ZNF445: variants seen among roughly 807,000 people sequenced by gnomAD.
The protein encoded by ZNF445 is zinc finger protein 445.
ZNF445 carries 19 observed loss-of-function variants against 93.9 expected under a neutral mutation model. That is an observed-to-expected ratio of 0.20 (90% CI 0.14 to 0.30). The LOEUF is 0.30. Among genes scored for constraint, ZNF445 ranks in the 10% least tolerant of loss-of-function variants. The pLI is 1.00. For synonymous variants in ZNF445, 449 were observed against 446.3 expected (o/e 1.01, Z -0.08); for missense variants, 1,058 against 1,259.4 (o/e 0.84, Z 2.42).
intron 1 of ZNF445, among the ~76,000 whole-genome samples, chr3:44,464,128 AAAAC>A (rs549579621): frequency 2.6e-4 from 39 of 152,098 alleles, no homozygotes; most frequent in East Asian, 5.8e-4. Context: ...TCCATCTCAA[AAAAC>A]AAACAAACAA....
In ZNF445 at chr3:44,433,534, T is replaced by C. The variant is rs1456285950; in HGVS notation, c.*13041A>G. ...AGCCATTCTAAGAACCCATGTTCTA[T>C]TTCCAGAACCCACGTCAGGCCATTA... On this transcript the variant is annotated 3_prime_UTR_variant, in exon 8 of 8. Transcript: ENST00000396077. 1 of 152,240 alleles carries C rather than the reference T, an allele frequency of 6.6e-6. No homozygotes were observed. Among genetic ancestry groups the C allele is most frequent in the East Asian group, 1.9e-4 (1 of 5,194 alleles). 9.4% of individuals were successfully genotyped at this position (152,240 alleles called of 1,614,324 possible). A position where few individuals can be genotyped will look rare whatever the true frequency, so the allele number is the denominator to read the frequency against.
At position 44,448,169 on chromosome 3, in the gene ZNF445, G is replaced by A. The variant is rs771268469; in HGVS notation, c.1502C>T (p.Ala501Val). The change falls in exon 8 of 8, where the codon GCG becomes GTG. Residue 501 changes from alanine (A) to valine (V), a missense_variant. Coordinates refer to ENST00000396077, the MANE Select transcript of ZNF445 (RefSeq NM_181489.6). ...GRTFSHSSHL[A>V]YHQRLHTQEK... ...TTGAGTGTGAAGTCTCTGATGATAC[G>A]CAAGATGGGAGCTATGACTGAAAGT... The A allele has an allele frequency of 4.5e-5, 72 of 1,614,074 alleles. No homozygotes were observed. The highest frequency in any genetic ancestry group is 2.7e-4 in the East Asian group (12 of 44,882).
chr3:44,472,692 G>C (rs1171393644), intron 1 of ZNF445, among the ~76,000 whole-genome samples: 1 of 151,992 alleles, frequency 6.6e-6, no homozygotes, highest in African/African-American at 2.4e-5. Context: ...AGAGCATAGT[G>C]AACATACAGC....
chr3:44,446,371 A>G lies in ZNF445; in HGVS notation c.*204T>C. ...GGAGTCTCCAGAAGGGCTCCAAAGG[A>G]CATGGTGCTGCACTTCCCCAGCGTC... is the stretch of plus-strand genomic sequence containing the variant. On this transcript the variant is annotated 3_prime_UTR_variant, in exon 8 of 8. Transcript: ENST00000396077. The surrounding 1 kb of genome is among the most constrained non-coding windows in gnomAD (Gnocchi z 4.2). 1 of 687,202 alleles carries G rather than the reference A, an allele frequency of 1.5e-6. No homozygotes were observed. Among genetic ancestry groups the G allele is most frequent in the Non-Finnish European group, 2.4e-6 (1 of 422,950 alleles). The allele number at this position is 687,202 out of a possible 1,614,324, so 42.6% of individuals were successfully genotyped here.
chr3:44,454,225 A>G (rs1697994284), intron 3 of ZNF445, among the ~76,000 whole-genome samples: 1 of 151,852 alleles, frequency 6.6e-6, no homozygotes, highest in African/African-American at 2.4e-5. Context: ...GAAAAAAAAA[A>G]GCTTACTGAG....
Position 44,455,524 on chromosome 3 carries a change from G to A in ZNF445, c.26C>T (p.Ala9Val). The change falls in exon 3 of 8, where the codon GCC becomes GTC. Residue 9 changes from alanine (A) to valine (V), a missense_variant. Physicochemically the swap from Ala to Val is moderately conservative, Grantham distance 64 (BLOSUM62 0). Transcript: ENST00000396077. MPPGRWHA[A>V]YPAQAQSSRE... is the part of the protein sequence containing the mutation. ...CGAAGACTGGGCCTGAGCTGGATAG[G>A]CAGCATGCCACCTGCCTGGAGGCAT... is the stretch of plus-strand genomic sequence containing the variant. 1 of 1,604,756 alleles carries A rather than the reference G, an allele frequency of 6.2e-7. No homozygotes were observed. Among genetic ancestry groups the A allele is most frequent in the Non-Finnish European group, 8.5e-7 (1 of 1,175,468 alleles).
At chr3:44,474,799 G>A (rs1408624320) in intron 1 of ZNF445, among the ~76,000 whole-genome samples, 3 of 152,296 alleles carry the variant, frequency 2.0e-5, no homozygotes, top group South Asian at 4.1e-4. Flanking sequence ...CTAGGTAAAA[G>A]GTGTAAGAGA....
At chr3:44,454,414 A>G (rs1346627400) in intron 3 of ZNF445, among the ~76,000 whole-genome samples, 1 of 152,134 alleles carries the variant, frequency 6.6e-6, no homozygotes, top group Non-Finnish European at 1.5e-5. Context: ...ACTGTAAGCC[A>G]CTGTGTCCAA....
Position 44,450,962 on chromosome 3 carries a change from T to C in ZNF445, c.599A>G (p.Asp200Gly). The change falls in exon 5 of 8, where the codon GAT becomes GGT. Residue 200 changes from aspartate to glycine, a missense_variant and splice_region_variant. By Grantham distance (94) the Asp-to-Gly change is moderately conservative. This residue lies in a region of ZNF445 where 657 missense variants were observed against 746.4 expected (regional missense o/e 0.88). Transcript: ENST00000396077. ...GGCAGGCATCTGGGCAGCAGGAGTATCTGAAGGAGAAAAAGCCATGAGAGA... is the reference window on the plus strand; with the variant it reads ...GGCAGGCATCTGGGCAGCAGGAGTACCTGAAGGAGAAAAAGCCATGAGAGA... ...EARDFLAGQS[D>G]TPAAQMPALF... 1 of 1,584,320 alleles carries C rather than the reference T, an allele frequency of 6.3e-7. No individual in the cohort carries two copies. Among genetic ancestry groups the C allele is most frequent in the East Asian group, 2.3e-5 (1 of 43,572 alleles).
Position 44,434,542 on chromosome 3 carries a change from C to G in ZNF445, c.*12033G>C, listed in dbSNP as rs1357158870. ...TGGAGCAGTTGCTACTCCCTGTACA[C>G]CAGGTCCAGTGACTATAATGTCATC... is the stretch of plus-strand genomic sequence containing the variant. On this transcript the variant is annotated 3_prime_UTR_variant, in exon 8 of 8. Coordinates refer to ENST00000396077, the MANE Select transcript of ZNF445 (RefSeq NM_181489.6). 6.6e-6 allele frequency: 1 copy of G among 152,164 alleles called. No homozygotes were observed. The highest frequency in any genetic ancestry group is 1.5e-5 in the Non-Finnish European group (1 of 68,044). 9.4% of individuals were successfully genotyped at this position (152,164 alleles called of 1,614,324 possible).
intron 1 of ZNF445, among the ~76,000 whole-genome samples, chr3:44,473,490 C>CACACAAAA (rs774842477): frequency 3.5e-5 from 2 of 57,006 alleles, no homozygotes; most frequent in African/African-American, 8.7e-5. Flanking sequence ...CACACACACA[C>CACACAAAA]AAAAAATGCT....
chr3:44,453,210 T>G (rs1697979725), intron 3 of ZNF445, among the ~76,000 whole-genome samples: 1 of 150,990 alleles, frequency 6.6e-6, no homozygotes, highest in Non-Finnish European at 1.5e-5. Context: ...CGCGCCAAGC[T>G]ACAACTTTCA....
At chr3:44,470,528 G>A (rs948734761) in intron 1 of ZNF445, among the ~76,000 whole-genome samples, 1 of 152,078 alleles carries the variant, frequency 6.6e-6, no homozygotes, top group African/African-American at 2.4e-5. Flanking sequence ...TTTCCTAAAA[G>A]AAAAGAAAAT....
At chr3:44,476,569 A>C (rs948223145) in intron 1 of ZNF445, among the ~76,000 whole-genome samples, 16 of 152,146 alleles carry the variant, frequency 1.1e-4, no homozygotes, top group Non-Finnish European at 2.4e-4. Flanking sequence ...CTTGCAAAAC[A>C]ACCAACCTAA....
At chr3:44,450,260 C>A in intron 6 of ZNF445, 187 bp downstream of exon 6, 1 of 674,998 alleles carries the variant, frequency 1.5e-6, no homozygotes, top group East Asian at 2.8e-5. Context: ...TTACAATAAT[C>A]CAGAATGGCA....
rs1697892256 is a variant in ZNF445, at chr3:44,447,395, T to C, written c.2276A>G (p.Glu759Gly). Residue 759 changes from glutamate (E) to glycine (G), a missense_variant, in exon 8 of 8, where the codon GAG (glutamate) becomes GGG (glycine). Physicochemically the swap from Glu to Gly is moderately conservative, Grantham distance 98. Around this residue, in one of 3 missense-constraint regions of ZNF445, gnomAD observed 387 missense variants for 475.7 expected, o/e 0.81. Transcript: ENST00000396077. The surrounding 1 kb of genome is among the most constrained non-coding windows in gnomAD (Gnocchi z 4.7). ...ACACTGGCTGCATTTGTAGGGCTCC[T>C]CTTTGGAGTGACTGCTCTGAGGAAC... ...FQVPQSSHSK[E>G]EPYKCSQCGK... is the part of the protein sequence containing the mutation. The C allele has an allele frequency of 6.2e-7, 1 of 1,614,092 alleles. No homozygotes were observed. The highest frequency in any genetic ancestry group is 1.7e-5 in the Admixed American group (1 of 60,008).
rs757807876 is a variant in ZNF445 at position 44,447,439 on chromosome 3, A to G, written c.2232T>C (p.Ser744=). The change falls in exon 8 of 8, where the codon AGT becomes AGC. Residue 744 remains serine, a synonymous_variant. Coordinates refer to ENST00000396077, the MANE Select transcript of ZNF445 (RefSeq NM_181489.6). This position sits in a 1 kb window ranked among gnomAD's most constrained non-coding sequence, Gnocchi z 4.7. ...GAGGAACCTGGAACACTGTGTCCTG[A>G]CTAAAAGATGGCCCGCCCTCAGGTT... ...KRKPEGGPSF[S]QDTVFQVPQS... 5 of 1,614,208 alleles carry G rather than the reference A, an allele frequency of 3.1e-6. No homozygotes were observed. The highest frequency in any genetic ancestry group is 2.5e-6 in the Non-Finnish European group (3 of 1,180,044).
chr3:44,453,614 T>G (rs1697985842), intron 3 of ZNF445, among the ~76,000 whole-genome samples: 1 of 152,146 alleles, frequency 6.6e-6, no homozygotes, highest in African/African-American at 2.4e-5. Context: ...TATTTTTATA[T>G]AAAGAAGCCT....
rs1242129084 is a variant in ZNF445, at chr3:44,441,516, A to G, written c.*5059T>C. 6.6e-6 allele frequency: 1 copy of G among 152,194 alleles called. No homozygotes were observed. Among genetic ancestry groups the G allele is most frequent in the Non-Finnish European group, 1.5e-5 (1 of 68,034 alleles). The allele number at this position is 152,194 out of a possible 1,614,324, so 9.4% of individuals were successfully genotyped here. A position where few individuals can be genotyped will look rare whatever the true frequency, so the allele number is the denominator to read the frequency against. ...TTCAAGATGGAGTCACTCTGGTTCA[A>G]ACGCCTCTGACACTCCCAATTTTTG... On this transcript the variant is annotated 3_prime_UTR_variant, in exon 8 of 8. Transcript: ENST00000396077.
Sources: gnomAD v4.1 joint callset for allele counts (sites outside exome capture counted in the v4.1 genomes callset) on GRCh38, gnomAD v4.1.1 for gene constraint, gnomAD v4.1.1 regional missense constraint, Gnocchi (gnomAD v3.1) non-coding constraint, MANE v1.5 for transcripts, NCBI Gene and HGNC (gene_info 2026-07-23, HGNC 2026-07-21) for gene names.